The following ANTXR2 variants were observed in gnomAD, a reference collection of about 807,000 sequenced individuals.
The protein encoded by ANTXR2 is ANTXR cell adhesion molecule 2.
In ANTXR2, 44 loss-of-function variants were observed where a neutral mutation model predicts 73.7. That is an observed-to-expected ratio of 0.60 (90% CI 0.47 to 0.77). The LOEUF is 0.77. Ranked by LOEUF, ANTXR2 falls within the 30% of genes least tolerant of loss-of-function variation. The pLI is 0.00. For missense variants in ANTXR2, 604 were observed against 592.5 expected (o/e 1.02, Z -0.20); for synonymous variants, 217 against 205.9 (o/e 1.05, Z -0.46).
chr4:80,055,940 G>T lies in ANTXR2; in HGVS notation c.370C>A (p.Leu124Ile). 1 of 1,544,140 alleles carries T rather than the reference G, an allele frequency of 6.5e-7. No homozygotes were observed. The highest frequency in any genetic ancestry group is 2.4e-5 in the East Asian group (1 of 42,202). ...PVGETYIHEGLKLANEQIQKA... is the reference protein window; with the variant it reads ...PVGETYIHEGIKLANEQIQKA... ...AATGTAAAATAACTTACTAGCTTTA[G>T]TCCTTCATGGATATATGTCTCTCCT... Residue 124 changes from leucine to isoleucine, a missense_variant, in exon 4 of 17, where the codon CTA (leucine) becomes ATA (isoleucine). Coordinates refer to ENST00000403729, the MANE Select transcript of ANTXR2 (RefSeq NM_058172.6).
chr4:79,984,791 C>T, intron 13 of ANTXR2, 28 bp downstream of exon 13: 1 of 1,589,218 alleles, frequency 6.3e-7, no homozygotes, highest in Non-Finnish European at 8.6e-7. Context: ...AAAAAACAGC[C>T]ATATCAGTTT....
chr4:79,918,539 G>T (rs6826434), intron 16 of ANTXR2, among the ~76,000 whole-genome samples: 36,074 of 151,952 alleles, frequency 0.24, 5,088 homozygotes, highest in East Asian at 0.69. Flanking sequence ...TGAAGGACAC[G>T]AGGCTATGGA....
chr4:79,966,246 T>C (rs1729360446), intron 16 of ANTXR2, among the ~76,000 whole-genome samples: 1 of 152,110 alleles, frequency 6.6e-6, no homozygotes, highest in Admixed American at 6.5e-5. Context: ...AAGTAGAGGA[T>C]ACTACCACTT....
chr4:80,035,005 C>G (rs1404936018), intron 8 of ANTXR2, among the ~76,000 whole-genome samples: 1 of 152,110 alleles, frequency 6.6e-6, no homozygotes, highest in East Asian at 1.9e-4. Flanking sequence ...CCTGTCTCTG[C>G]CTCAGCTTCC....
chr4:80,064,597 G>A (rs964915816), intron 3 of ANTXR2, among the ~76,000 whole-genome samples: 8 of 152,232 alleles, frequency 5.3e-5, no homozygotes, highest in African/African-American at 1.9e-4. Flanking sequence ...AGTATTGTAA[G>A]AGATTACTGG....
rs1317116786 is a variant in ANTXR2, at chr4:79,971,783, G to T, written c.1428+5838C>A. ...AAAAATTAATTCAAGATGGATTAAA[G>T]ATTTAAACGTTAAACCTAAAACCAT... On this transcript the variant is annotated intron_variant, in intron 16 of 16. Transcript: ENST00000403729. Among the ~76,000 whole-genome samples, 11 of 52,134 alleles carry T rather than the reference G, an allele frequency of 2.1e-4. 2 individuals carry two copies. Among genetic ancestry groups the T allele is most frequent in the Non-Finnish European group, 4.1e-4 (11 of 26,964 alleles). The allele number at this position is 52,134 out of a possible 152,430, so 34.2% of individuals were successfully genotyped here.
chr4:80,027,251 C>T (rs566795968), intron 10 of ANTXR2, among the ~76,000 whole-genome samples: 6 of 151,828 alleles, frequency 4.0e-5, no homozygotes, highest in Admixed American at 2.6e-4. Context: ...TAGAAGTATA[C>T]TTTTGGAAAG....
intron 11 of ANTXR2, among the ~76,000 whole-genome samples, chr4:80,013,909 C>G (rs1731715150): frequency 6.6e-6 from 1 of 152,094 alleles, no homozygotes; most frequent in Admixed American, 6.5e-5. Flanking sequence ...TATTTATTAT[C>G]CTGTAATAAC....
chr4:80,021,987 C>A (rs1374719664), intron 10 of ANTXR2, among the ~76,000 whole-genome samples: 4 of 152,138 alleles, frequency 2.6e-5, no homozygotes, highest in South Asian at 2.1e-4. Flanking sequence ...ATTCTCACAA[C>A]AACCTACTGA....
At chr4:80,043,449 T>C (rs72655034) in intron 7 of ANTXR2, among the ~76,000 whole-genome samples, 7,510 of 152,070 alleles carry the variant, frequency 0.049, 786 homozygotes, top group East Asian at 0.47. Context: ...CCAAGTATTT[T>C]TCCCTTTGCT....
chr4:79,915,596 G>A (rs1727310264), intron 16 of ANTXR2, among the ~76,000 whole-genome samples: 1 of 152,048 alleles, frequency 6.6e-6, no homozygotes, highest in African/African-American at 2.4e-5. Context: ...TTCATGTTGT[G>A]TACGACAGTA....
intron 3 of ANTXR2, among the ~76,000 whole-genome samples, chr4:80,059,129 C>A (rs960545267): frequency 6.6e-6 from 1 of 151,976 alleles, no homozygotes; most frequent in African/African-American, 2.4e-5. Context: ...TAGCACTCTT[C>A]TTTTTATATT....
At chr4:80,073,320 G>A (rs2110130585), upstream of ANTXR2, 1 of 152,482 alleles carries the variant, frequency 6.6e-6, no homozygotes, top group Non-Finnish European at 1.5e-5. Flanking sequence ...AGTTGAAGAT[G>A]ACTAACGCTT....
In ANTXR2 at chr4:80,049,679, A is replaced by G. The variant is rs1351334409; in HGVS notation, c.636+4593T>C. ...ACCCTCTTGTCCCCTCTGTAAAAAC[A>G]GTTTTTGCTCTATTCTTAGTCATTC... On this transcript the variant is annotated intron_variant, in intron 7 of 16. Transcript: ENST00000403729. Among the ~76,000 whole-genome samples, 4 of 151,698 alleles carry G rather than the reference A, an allele frequency of 2.6e-5. No homozygotes were observed. The East Asian group carries it at 7.8e-4, about 30-fold the overall frequency.
At position 79,997,128 on chromosome 4, in the gene ANTXR2, A is replaced by C. The variant is rs186710243; in HGVS notation, c.1041+11393T>G. ...TTGATCTGCTCATTAACACTTTTCAAATGTTCAAGTGATATGGGCATTCTT... is the reference window on the plus strand; with the variant it reads ...TTGATCTGCTCATTAACACTTTTCACATGTTCAAGTGATATGGGCATTCTT... On this transcript the variant is annotated intron_variant, in intron 12 of 16. Coordinates refer to ENST00000403729, the MANE Select transcript of ANTXR2 (RefSeq NM_058172.6). 1.1e-4 allele frequency among the ~76,000 whole-genome samples: 17 copies of C among 152,040 alleles called. 1 individual carries two copies. The highest frequency in any genetic ancestry group is 1.1e-3 in the Admixed American group (16 of 15,224).
intron 16 of ANTXR2, among the ~76,000 whole-genome samples, chr4:79,936,136 A>AG (rs1317421452): frequency 1.3e-5 from 2 of 152,220 alleles, no homozygotes; most frequent in African/African-American, 4.8e-5. Context: ...CAATGCAGAG[A>AG]GTTACTACAC....
At chr4:79,980,807 A>G (rs1729854273) in intron 14 of ANTXR2, among the ~76,000 whole-genome samples, 1 of 152,010 alleles carries the variant, frequency 6.6e-6, no homozygotes, top group Non-Finnish European at 1.5e-5. Context: ...AAAAAATTCT[A>G]GGTAAAAATC....
At chr4:80,012,831 A>C (rs1731658568) in intron 11 of ANTXR2, among the ~76,000 whole-genome samples, 1 of 152,164 alleles carries the variant, frequency 6.6e-6, no homozygotes, top group Admixed American at 6.5e-5. Context: ...GGTCCACATA[A>C]GAAGAAGTAC....
chr4:79,986,128 T>C (rs1730150364), intron 12 of ANTXR2, among the ~76,000 whole-genome samples: 1 of 152,096 alleles, frequency 6.6e-6, no homozygotes, highest in African/African-American at 2.4e-5. Context: ...TTCACGTGAA[T>C]AGAATGGGGC....
Sources: allele counts gnomAD v4.1 joint callset (sites outside exome capture counted in the v4.1 genomes callset), GRCh38; gene constraint gnomAD v4.1.1; transcripts MANE v1.5; gene names NCBI Gene and HGNC (gene_info 2026-07-23, HGNC 2026-07-21).